Variants in BRAP observed in about 807,000 individuals in gnomAD.
BRAP encodes BRCA1-associated protein.
In BRAP, 42 loss-of-function variants were observed where a neutral mutation model predicts 73.4. The observed-to-expected ratio is 0.57, with a 90% CI of 0.45 to 0.74. The LOEUF (loss-of-function observed/expected upper bound fraction) is 0.74. Among genes scored for constraint, BRAP ranks in the 30% least tolerant of loss-of-function variants. The pLI is 0.00. For synonymous variants in BRAP, 255 were observed against 267.4 expected (o/e 0.95, Z 0.45); for missense variants, 593 against 751.4 (o/e 0.79, Z 2.46).
At chr12:111,684,296 C>T (rs1008153035) in intron 1 of BRAP, among the ~76,000 whole-genome samples, 4 of 152,174 alleles carry the variant, frequency 2.6e-5, no homozygotes, top group African/African-American at 9.7e-5. Flanking sequence ...TGTCTATATG[C>T]GGCTAATATC....
At position 111,665,912 on chromosome 12, in the gene BRAP, G is replaced by A; in HGVS notation, c.748-125C>T. ...CGCTGGAGCCCAGTGGCGCAATCAT[G>A]GCTCATTACAGCCTTGACCTCCCAG... On this transcript the variant is annotated intron_variant, in intron 5 of 11. Coordinates refer to ENST00000419234, the MANE Select transcript of BRAP (RefSeq NM_006768.5). This position sits in a 1 kb window ranked among gnomAD's most constrained non-coding sequence, Gnocchi z 4.3. The A allele has an allele frequency of 3.8e-6, 5 of 1,316,500 alleles. No individual in the cohort carries two copies. Among genetic ancestry groups the A allele is most frequent in the Non-Finnish European group, 5.2e-6 (5 of 960,344 alleles). The allele number at this position is 1,316,500 out of a possible 1,614,324, so 81.6% of individuals were successfully genotyped here.
At chr12:111,674,008 C>G (rs56076826) in intron 4 of BRAP, among the ~76,000 whole-genome samples, 2,385 of 152,274 alleles carry the variant, frequency 0.016, 74 homozygotes, top group African/African-American at 0.054. Flanking sequence ...AATCCAAACA[C>G]AGAAAGTTAT....
At chr12:111,650,264 ATCTTTTTTTT>A (rs781280343) in intron 10 of BRAP, among the ~76,000 whole-genome samples, 1 of 152,022 alleles carries the variant, frequency 6.6e-6, no homozygotes, top group African/African-American at 2.4e-5. Context: ...ATGCCGGGAA[ATCTTTTTTTT>A]TCTTTTTTTG....
At chr12:111,684,341 T>A in intron 1 of BRAP, among the ~76,000 whole-genome samples, 1 of 152,224 alleles carries the variant, frequency 6.6e-6, no homozygotes, top group East Asian at 1.9e-4. Context: ...GAAGCCACTT[T>A]TAGCCTTTGG....
At chr12:111,655,414 C>A (rs776077490) in intron 10 of BRAP, 152 bp downstream of exon 10, 3 of 514,086 alleles carry the variant, frequency 5.8e-6, no homozygotes, top group Middle Eastern at 3.0e-4. Context: ...TCCAAAGTTT[C>A]TTTTTAGTGG....
chr12:111,651,225 TTAATAATAATAATAATAA>T (rs112724065), intron 10 of BRAP, among the ~76,000 whole-genome samples: 4 of 147,016 alleles, frequency 2.7e-5, no homozygotes, highest in Non-Finnish European at 5.9e-5. Context: ...AGCACTAGCT[TTAATAATAATAATAATAA>T]TAATAATAAT....
chr12:111,677,417 T>C (rs1032479366), intron 4 of BRAP, among the ~76,000 whole-genome samples: 2 of 152,168 alleles, frequency 1.3e-5, no homozygotes, highest in Admixed American at 6.5e-5. Context: ...GTCCCTGGAA[T>C]TAAAAGTGAG....
chr12:111,657,377 A>T (rs2135904225), intron 9 of BRAP, among the ~76,000 whole-genome samples: 1 of 152,284 alleles, frequency 6.6e-6, no homozygotes, highest in South Asian at 2.1e-4. Flanking sequence ...GCATGTACAT[A>T]CTTAATGTGG....
intron 3 of BRAP, among the ~76,000 whole-genome samples, chr12:111,680,092 G>T (rs1257423471): frequency 6.6e-6 from 1 of 151,256 alleles, no homozygotes. Flanking sequence ...AAGTAGCTGG[G>T]ATTACAGACG....
At chr12:111,649,566 C>G (rs1401070667) in intron 11 of BRAP, among the ~76,000 whole-genome samples, 2 of 152,250 alleles carry the variant, frequency 1.3e-5, no homozygotes, top group African/African-American at 4.8e-5. Context: ...CCTTTAACTC[C>G]TGCCCAAGGC....
chr12:111,660,078 A>G (rs777237547), intron 7 of BRAP, among the ~76,000 whole-genome samples: 3 of 151,964 alleles, frequency 2.0e-5, no homozygotes, highest in African/African-American at 7.2e-5. Flanking sequence ...TGTCTCAAAA[A>G]AAAAAGAAAA....
At chr12:111,655,850 T>C (rs1017526470) in intron 9 of BRAP, among the ~76,000 whole-genome samples, 195 bp from the exon 10 acceptor site, 1 of 152,222 alleles carries the variant, frequency 6.6e-6, no homozygotes, top group Non-Finnish European at 1.5e-5. Context: ...TCTGTCTTCC[T>C]GGGGCTTACA....
chr12:111,681,144 C>T (rs866172227), intron 3 of BRAP, among the ~76,000 whole-genome samples: 24 of 151,824 alleles, frequency 1.6e-4, no homozygotes, highest in African/African-American at 4.6e-4. Context: ...CTGAGGCGGG[C>T]GGATAACCTG....
intron 7 of BRAP, 68 bp from the exon 8 acceptor site, chr12:111,659,413 G>A (rs111439573): frequency 3.3e-5 from 48 of 1,473,290 alleles, no homozygotes; most frequent in African/African-American, 2.9e-4. Context: ...GCGATGGCTC[G>A]GAGGCCGAGG....
At chr12:111,651,873 T>C (rs1034697303) in intron 10 of BRAP, among the ~76,000 whole-genome samples, 4 of 152,014 alleles carry the variant, frequency 2.6e-5, no homozygotes, top group African/African-American at 7.2e-5. Context: ...CCTGACCTCA[T>C]GATCTGCCCG....
At chr12:111,651,093 G>A (rs1886302145) in intron 10 of BRAP, among the ~76,000 whole-genome samples, 1 of 152,098 alleles carries the variant, frequency 6.6e-6, no homozygotes, top group Admixed American at 6.6e-5. Flanking sequence ...GAGGCTGGGT[G>A]AACCACAAGG....
At chr12:111,676,815 G>GC (rs1200592380) in intron 4 of BRAP, among the ~76,000 whole-genome samples, 5 of 152,156 alleles carry the variant, frequency 3.3e-5, no homozygotes, top group African/African-American at 7.2e-5. Flanking sequence ...TAGCTACTGA[G>GC]CCTATTATTC....
At chr12:111,650,895 C>A (rs1886294625) in intron 10 of BRAP, among the ~76,000 whole-genome samples, 1 of 152,026 alleles carries the variant, frequency 6.6e-6, no homozygotes, top group African/African-American at 2.4e-5. Context: ...GCCTTAAAAA[C>A]ATAAGAGAAT....
chr12:111,657,449 A>G (rs1041362614), intron 9 of BRAP, among the ~76,000 whole-genome samples: 1 of 152,272 alleles, frequency 6.6e-6, no homozygotes, highest in Admixed American at 6.5e-5. Flanking sequence ...TGATTTATTA[A>G]TAACGATATA....
Sources: gnomAD v4.1 joint callset for allele counts (sites outside exome capture counted in the v4.1 genomes callset) on GRCh38, gnomAD v4.1.1 for gene constraint, Gnocchi (gnomAD v3.1) non-coding constraint, MANE v1.5 for transcripts, NCBI Gene and HGNC (gene_info 2026-07-23, HGNC 2026-07-21) for gene names.